The following LRRTM4 variants were observed in gnomAD, a reference collection of about 807,000 sequenced individuals.
LRRTM4 encodes leucine-rich repeat transmembrane neuronal protein 4.
LRRTM4 carries 25 observed loss-of-function variants against 47.6 expected under a neutral mutation model. The ratio of observed to expected loss-of-function variants is 0.53; its 90% CI spans 0.38 to 0.73. The LOEUF is 0.73. LRRTM4 is among the 30% of genes least tolerant of loss of function. LRRTM4 has a pLI of 0.00. For missense variants in LRRTM4, 638 were observed against 713.4 expected (o/e 0.89, Z 1.20); for synonymous variants, 311 against 269.5 (o/e 1.15, Z -1.51).
intron 3 of LRRTM4, among the ~76,000 whole-genome samples, chr2:77,331,450 A>G (rs1224230685): frequency 6.6e-6 from 1 of 152,190 alleles, no homozygotes; most frequent in Admixed American, 6.6e-5. Context: ...ACAGGGAAAG[A>G]CACTGTAATT....
intron 3 of LRRTM4, among the ~76,000 whole-genome samples, chr2:77,481,115 C>T (rs1436325326): frequency 6.6e-6 from 1 of 152,126 alleles, no homozygotes; most frequent in East Asian, 1.9e-4. Flanking sequence ...CTGGTGGCAC[C>T]TATCAGAAAA....
chr2:77,344,269 G>A (rs1049351629), intron 3 of LRRTM4, among the ~76,000 whole-genome samples: 32 of 151,796 alleles, frequency 2.1e-4, no homozygotes, highest in African/African-American at 7.5e-4. Context: ...TGGTACAGGT[G>A]TTGAAATTAT....
At chr2:77,020,819 G>A (rs1232650242) in intron 3 of LRRTM4, among the ~76,000 whole-genome samples, 2 of 152,190 alleles carry the variant, frequency 1.3e-5, no homozygotes, top group Non-Finnish European at 2.9e-5. Flanking sequence ...AGAATTCCAT[G>A]TCCAAGGAAC....
At chr2:77,038,007 G>A (rs1431331202) in intron 3 of LRRTM4, among the ~76,000 whole-genome samples, 2 of 151,632 alleles carry the variant, frequency 1.3e-5, no homozygotes, top group Admixed American at 6.6e-5. Flanking sequence ...AGAGCCTTGT[G>A]TTCCTTGAAT....
At chr2:77,152,289 T>C (rs1672450297) in intron 3 of LRRTM4, among the ~76,000 whole-genome samples, 1 of 151,686 alleles carries the variant, frequency 6.6e-6, no homozygotes, top group Non-Finnish European at 1.5e-5. Context: ...CAAGGTGCAC[T>C]ACCCACTTGA....
chr2:76,949,714 T>C (rs145285647), intron 3 of LRRTM4, among the ~76,000 whole-genome samples: 47 of 152,096 alleles, frequency 3.1e-4, no homozygotes, highest in African/African-American at 9.9e-4. Context: ...TCTCTGTAAT[T>C]ATAATTTACT....
rs80082725 is a variant in LRRTM4 at position 77,268,176 on chromosome 2, G to T, written c.1551+250142C>A. On this transcript the variant is annotated intron_variant, in intron 3 of 3. Transcript: ENST00000409884. ...CATATATTTTCCAATTGAGCTCCAG[G>T]TCCAAATATATCCAAATGCCCACTA... Among the ~76,000 whole-genome samples the T allele has an allele frequency of 7.6e-4, 115 of 152,074 alleles. No homozygotes were observed. The East Asian group carries it at 0.016, about 21-fold the overall frequency.
chr2:76,908,239 A>C (rs2103769558), intron 3 of LRRTM4, among the ~76,000 whole-genome samples: 1 of 152,056 alleles, frequency 6.6e-6, no homozygotes, highest in African/African-American at 2.4e-5. Context: ...CCAAAGACAA[A>C]AACCACATGA....
At chr2:77,518,132 A>T (rs1249187116) in intron 3 of LRRTM4, 186 bp downstream of exon 3, 109 of 779,868 alleles carry the variant, frequency 1.4e-4, no homozygotes, top group Middle Eastern at 5.2e-4. Context: ...AACCATTTAA[A>T]AAAAAAAAAA....
intron 3 of LRRTM4, among the ~76,000 whole-genome samples, chr2:77,005,491 T>C (rs1369191191): frequency 6.6e-6 from 1 of 152,064 alleles, no homozygotes; most frequent in Admixed American, 6.6e-5. Flanking sequence ...GGGCCAGGGG[T>C]GCAATGATAC....
intron 3 of LRRTM4, among the ~76,000 whole-genome samples, chr2:76,881,215 C>G (rs1235140381): frequency 6.6e-6 from 1 of 152,082 alleles, no homozygotes; most frequent in Non-Finnish European, 1.5e-5. Flanking sequence ...TATCATGTGT[C>G]AAATTTTAAA....
intron 3 of LRRTM4, among the ~76,000 whole-genome samples, chr2:77,500,984 T>C (rs1678552069): frequency 6.6e-6 from 1 of 151,340 alleles, no homozygotes; most frequent in South Asian, 2.1e-4. Flanking sequence ...TATTCATTCA[T>C]AAAAGTACAG....
At chr2:77,502,562 G>T (rs186981346) in intron 3 of LRRTM4, among the ~76,000 whole-genome samples, 19 of 151,618 alleles carry the variant, frequency 1.3e-4, no homozygotes, top group South Asian at 1.0e-3. Context: ...ATTTGGGAAC[G>T]TAATTATTTA....
intron 3 of LRRTM4, among the ~76,000 whole-genome samples, chr2:77,428,867 C>T (rs1437024470): frequency 1.3e-5 from 2 of 152,028 alleles, no homozygotes; most frequent in Non-Finnish European, 2.9e-5. Context: ...CGGTATGTCC[C>T]AAGACTCTGG....
intron 3 of LRRTM4, among the ~76,000 whole-genome samples, chr2:77,001,194 G>A (rs62171995): frequency 0.14 from 21,311 of 152,098 alleles, 1,606 homozygotes; most frequent in Admixed American, 0.2. Context: ...AGAGAAACCT[G>A]TACCAGCCCT....
At chr2:77,193,811 G>A (rs1673741549) in intron 3 of LRRTM4, among the ~76,000 whole-genome samples, 1 of 152,126 alleles carries the variant, frequency 6.6e-6, no homozygotes, top group South Asian at 2.1e-4. Context: ...GTCACCATGT[G>A]CAACTGCTGC....
intron 3 of LRRTM4, among the ~76,000 whole-genome samples, chr2:76,843,908 CATTTTT>C (rs1671762182): frequency 1.4e-5 from 2 of 145,374 alleles, no homozygotes; most frequent in South Asian, 2.2e-4. Flanking sequence ...TTTCTTTTTT[CATTTTT>C]TTTTTTTTTT....
At chr2:76,989,396 A>G (rs17040496) in intron 3 of LRRTM4, among the ~76,000 whole-genome samples, 52,341 of 151,690 alleles carry the variant, frequency 0.35, 9,854 homozygotes, top group East Asian at 0.58. Context: ...GAATTACTTC[A>G]TTTGTGTTTC....
intron 3 of LRRTM4, among the ~76,000 whole-genome samples, chr2:77,036,766 A>T (rs1053537841): frequency 6.6e-6 from 1 of 151,694 alleles, no homozygotes. Context: ...GAGAAAGAAG[A>T]GTCTTTTCCA....
Sources: gnomAD v4.1 joint callset for allele counts (sites outside exome capture counted in the v4.1 genomes callset) on GRCh38, gnomAD v4.1.1 for gene constraint, MANE v1.5 for transcripts, NCBI Gene and HGNC (gene_info 2026-07-23, HGNC 2026-07-21) for gene names.